Variants in SYT2 observed in about 807,000 individuals in gnomAD.
SYT2 encodes the protein synaptotagmin-2.
In SYT2, 15 loss-of-function variants were observed where a neutral mutation model predicts 39.9. The ratio of observed to expected loss-of-function variants is 0.38; its 90% confidence interval spans 0.25 to 0.58. The LOEUF is 0.58. SYT2 is among the 20% of genes least tolerant of loss of function. SYT2 has a pLI of 0.70. For synonymous variants in SYT2, 181 were observed against 204.5 expected (o/e 0.89, Z 0.98); for missense variants, 389 against 530.3 (o/e 0.73, Z 2.62).
chr1:202,663,276 C>A (rs1020646583), intron 1 of SYT2, among the ~76,000 whole-genome samples: 1 of 152,218 alleles, frequency 6.6e-6, no homozygotes, highest in Non-Finnish European at 1.5e-5. Context: ...AAGAAGGGTT[C>A]TGGGATAGCA....
At chr1:202,618,249 A>C (rs1691102453) in intron 1 of SYT2, among the ~76,000 whole-genome samples, 1 of 152,038 alleles carries the variant, frequency 6.6e-6, no homozygotes, top group Admixed American at 6.6e-5. Context: ...TTCTGTGGGG[A>C]AGTGGCCTTC....
intron 1 of SYT2, among the ~76,000 whole-genome samples, chr1:202,669,378 G>A (rs928385099): frequency 7.9e-5 from 12 of 151,030 alleles, no homozygotes; most frequent in Non-Finnish European, 1.6e-4. Context: ...TAGGCTGGAC[G>A]CGGTGGCTCA....
intron 1 of SYT2, among the ~76,000 whole-genome samples, chr1:202,682,695 G>A (rs537682086): frequency 1.9e-4 from 29 of 152,232 alleles, no homozygotes; most frequent in African/African-American, 5.8e-4. Context: ...GGACAACCGA[G>A]AGTCAAGGCC....
intron 1 of SYT2, among the ~76,000 whole-genome samples, chr1:202,629,852 C>T (rs1237157582): frequency 1.6e-5 from 2 of 123,738 alleles, no homozygotes; most frequent in African/African-American, 5.8e-5. Context: ...GCGGCCATAC[C>T]CAGCAGGCAG....
chr1:202,658,262 G>A (rs1692315270), intron 1 of SYT2, among the ~76,000 whole-genome samples: 1 of 152,170 alleles, frequency 6.6e-6, no homozygotes, highest in Non-Finnish European at 1.5e-5. Flanking sequence ...CATCTGCACT[G>A]GATGGTGCCA....
At chr1:202,689,255 G>A (rs1181168436) in intron 1 of SYT2, among the ~76,000 whole-genome samples, 1 of 152,164 alleles carries the variant, frequency 6.6e-6, no homozygotes, top group Non-Finnish European at 1.5e-5. Flanking sequence ...CACCTCACAT[G>A]TGCAATGATA....
intron 1 of SYT2, among the ~76,000 whole-genome samples, chr1:202,634,050 TGA>T (rs1047784547): frequency 5.3e-5 from 8 of 152,246 alleles, no homozygotes; most frequent in African/African-American, 1.9e-4. Context: ...CTCTCTTAGC[TGA>T]GTCTCCTTGG....
chr1:202,677,869 T>C (rs779296287), intron 1 of SYT2, among the ~76,000 whole-genome samples: 2 of 152,240 alleles, frequency 1.3e-5, no homozygotes, highest in African/African-American at 2.4e-5. Flanking sequence ...ATGGCTTACA[T>C]ACATACCTAC....
chr1:202,632,885 A>G (rs16850150), intron 1 of SYT2: 24,721 of 152,140 alleles, frequency 0.16, 2,724 homozygotes, highest in East Asian at 0.4. Flanking sequence ...CTCTTCTATA[A>G]ACTAGAGACG....
chr1:202,648,240 G>T (rs1692127241), intron 1 of SYT2, among the ~76,000 whole-genome samples: 1 of 152,218 alleles, frequency 6.6e-6, no homozygotes, highest in South Asian at 2.1e-4. Flanking sequence ...GAGTGCAGAG[G>T]TGTGATCTCG....
At chr1:202,644,311 C>T (rs1420591574) in intron 1 of SYT2, among the ~76,000 whole-genome samples, 1 of 152,104 alleles carries the variant, frequency 6.6e-6, no homozygotes, top group Non-Finnish European at 1.5e-5. Flanking sequence ...TGCCACGGAC[C>T]CGACACCTCC....
At chr1:202,674,082 A>G (rs1653265126) in intron 1 of SYT2, among the ~76,000 whole-genome samples, 1 of 152,016 alleles carries the variant, frequency 6.6e-6, no homozygotes, top group African/African-American at 2.4e-5. Flanking sequence ...GAACAATGGG[A>G]GAGCACAGGT....
intron 1 of SYT2, among the ~76,000 whole-genome samples, chr1:202,693,092 C>A (rs918393918): frequency 6.6e-6 from 1 of 152,078 alleles, no homozygotes; most frequent in South Asian, 2.1e-4. Flanking sequence ...ATCCATCACC[C>A]GAGCACTCAG....
intron 1 of SYT2, among the ~76,000 whole-genome samples, chr1:202,635,213 G>A (rs562158074): frequency 8.0e-4 from 122 of 152,210 alleles, no homozygotes; most frequent in South Asian, 1.2e-3. Context: ...TTGTGTTGTC[G>A]AACTCCTGAA....
intron 1 of SYT2, among the ~76,000 whole-genome samples, chr1:202,683,672 G>C (rs1029832415): frequency 6.6e-6 from 1 of 150,402 alleles, no homozygotes; most frequent in African/African-American, 2.5e-5. Flanking sequence ...GCTGAAGGAG[G>C]TCAAGACTTC....
At chr1:202,689,025 G>A (rs1383873068) in intron 1 of SYT2, among the ~76,000 whole-genome samples, 1 of 152,136 alleles carries the variant, frequency 6.6e-6, no homozygotes, top group East Asian at 1.9e-4. Flanking sequence ...CAGCAAGGGA[G>A]GGAACTTTCA....
At chr1:202,625,865 A>C (rs981816694) in intron 1 of SYT2, among the ~76,000 whole-genome samples, 23 of 152,180 alleles carry the variant, frequency 1.5e-4, no homozygotes, top group African/African-American at 5.3e-4. Context: ...TCCTGTCTCC[A>C]TCTCTCAGGC....
chr1:202,616,936 T>G (rs1691057838), intron 1 of SYT2, among the ~76,000 whole-genome samples: 2 of 152,208 alleles, frequency 1.3e-5, no homozygotes, highest in African/African-American at 4.8e-5. Context: ...CTCCTCTTGC[T>G]CGCCTCCAGT....
intron 1 of SYT2, among the ~76,000 whole-genome samples, chr1:202,666,109 T>A (rs997638870): frequency 7.0e-6 from 1 of 143,712 alleles, no homozygotes; most frequent in African/African-American, 2.6e-5. Context: ...GCCGAGATCG[T>A]GCCACTGCAC....
Sources: gnomAD v4.1 joint callset for allele counts (sites outside exome capture counted in the v4.1 genomes callset) on GRCh38, gnomAD v4.1.1 for gene constraint, MANE v1.5 for transcripts, NCBI Gene and HGNC (gene_info 2026-07-23, HGNC 2026-07-21) for gene names.